LRRC28: variants seen among roughly 807,000 people sequenced by gnomAD.
LRRC28 encodes leucine-rich repeat-containing protein 28.
In LRRC28, 39 loss-of-function variants were observed where a neutral mutation model predicts 45.7. That is an observed-to-expected ratio of 0.85 (90% CI 0.66 to 1.12). LRRC28 has a LOEUF of 1.12. Among genes scored for constraint, LRRC28 ranks in the 50% most tolerant of loss-of-function variants. The pLI is 0.00. For synonymous variants in LRRC28, 206 were observed against 178.8 expected (o/e 1.15, Z -1.22); for missense variants, 435 against 438.5 (o/e 0.99, Z 0.07).
chr15:99,259,635 C>T, intron 2 of LRRC28: 1 of 1,465,700 alleles, frequency 6.8e-7, no homozygotes, highest in Non-Finnish European at 9.6e-7. Flanking sequence ...AAGGGCATCT[C>T]TACAAATTAC....
At chr15:99,272,551 A>C (rs1315949050) in intron 2 of LRRC28, among the ~76,000 whole-genome samples, 1 of 152,236 alleles carries the variant, frequency 6.6e-6, no homozygotes, top group African/African-American at 2.4e-5. Context: ...TCCAAGTTAA[A>C]AAATTTTAAA....
At chr15:99,304,596 C>CATTT (rs904094075) in intron 5 of LRRC28, among the ~76,000 whole-genome samples, 9 of 151,538 alleles carry the variant, frequency 5.9e-5, no homozygotes, top group Middle Eastern at 6.8e-3. Flanking sequence ...ACGCCCGGCT[C>CATTT]ATTTATTTAT....
At chr15:99,253,004 A>G (rs755733835) in intron 1 of LRRC28, among the ~76,000 whole-genome samples, 9 of 152,236 alleles carry the variant, frequency 5.9e-5, no homozygotes, top group Non-Finnish European at 1.3e-4. Context: ...CTTTATTGAC[A>G]ATAGACAGAT....
intron 9 of LRRC28, among the ~76,000 whole-genome samples, chr15:99,369,528 A>C (rs1957425384): frequency 6.6e-6 from 1 of 152,108 alleles, no homozygotes; most frequent in South Asian, 2.1e-4. Context: ...CAGGCTGGAA[A>C]CTTAGGCAGG....
chr15:99,353,226 G>A (rs1472430655), intron 7 of LRRC28, among the ~76,000 whole-genome samples: 1 of 152,126 alleles, frequency 6.6e-6, no homozygotes, highest in Non-Finnish European at 1.5e-5. Context: ...CAGCAGCCAA[G>A]TGAACACCCC....
intron 5 of LRRC28, among the ~76,000 whole-genome samples, chr15:99,304,780 A>G (rs1302980068): frequency 6.6e-6 from 1 of 152,082 alleles, no homozygotes; most frequent in Non-Finnish European, 1.5e-5. Flanking sequence ...TATAGGTAGC[A>G]ATGTTAACAA....
At chr15:99,356,492 C>A (rs1957050780) in intron 7 of LRRC28, among the ~76,000 whole-genome samples, 1 of 152,130 alleles carries the variant, frequency 6.6e-6, no homozygotes, top group Non-Finnish European at 1.5e-5. Flanking sequence ...ATGATCCAAT[C>A]TGAAGGACAC....
At chr15:99,259,949 A>G in intron 2 of LRRC28, 1 of 667,960 alleles carries the variant, frequency 1.5e-6, no homozygotes, top group Non-Finnish European at 2.8e-6. Context: ...AGACAAAGAA[A>G]TGGATGTGGG....
rs530985439 is a variant in LRRC28 at position 99,380,830 on chromosome 15, A to T, written c.1032-5200A>T. Among the ~76,000 whole-genome samples the T allele has an allele frequency of 3.9e-5, 6 of 152,320 alleles. No homozygotes were observed. In the South Asian group the frequency reaches 1.2e-3, roughly 32 times the overall value. On this transcript the variant is annotated intron_variant, in intron 9 of 9. Transcript: ENST00000301981. The stretch of plus-strand genomic sequence containing the variant: ...CTGGATATGAAATTCTAGATTGAAA[A>T]TTCTTTTCTTTAAGAATGTTGACTG...
intron 6 of LRRC28, among the ~76,000 whole-genome samples, chr15:99,343,323 G>A (rs1337441472): frequency 6.6e-6 from 1 of 152,206 alleles, no homozygotes; most frequent in Non-Finnish European, 1.5e-5. Flanking sequence ...CCTCTCCTGT[G>A]CTGTCATTCC....
At chr15:99,336,675 C>G (rs1374349490) in intron 6 of LRRC28, among the ~76,000 whole-genome samples, 1 of 152,176 alleles carries the variant, frequency 6.6e-6, no homozygotes, top group Non-Finnish European at 1.5e-5. Context: ...TTACTTGTTT[C>G]CATCTGGCCT....
rs1958131528 is a variant in LRRC28 at position 99,389,835 on chromosome 15, A to G, written c.*3733A>G. 1 of 152,160 alleles carries G rather than the reference A, an allele frequency of 6.6e-6. No individual in the cohort carries two copies. The highest frequency in any genetic ancestry group is 6.5e-5 in the Admixed American group (1 of 15,270). The allele number at this position is 152,160 out of a possible 1,614,324, so 9.4% of individuals were successfully genotyped here. Reference sequence around the variant, plus strand: ...CTAGCTCTATGTCTATCTAAAAATCAAGTCTCGGCAGTGGCTCATGCCTAT... The same window carrying G: ...CTAGCTCTATGTCTATCTAAAAATCGAGTCTCGGCAGTGGCTCATGCCTAT... On this transcript the variant is annotated 3_prime_UTR_variant, in exon 10 of 10. Transcript: ENST00000301981.
Position 99,332,652 on chromosome 15 carries a change from C to G in LRRC28, c.386-1271C>G, listed in dbSNP as rs1181716092. On this transcript the variant is annotated intron_variant, in intron 5 of 9. Coordinates refer to ENST00000301981, the MANE Select transcript of LRRC28 (RefSeq NM_144598.5). ...CTTTAAAAATGTAAAAAACCAGTTT[C>G]AGCTTGCAGGCAGGACAAGAGCAGG... 2.0e-5 allele frequency among the ~76,000 whole-genome samples: 3 copies of G among 152,130 alleles called. No homozygotes were observed. The East Asian group carries it at 5.8e-4, about 29-fold the overall frequency.
intron 5 of LRRC28, among the ~76,000 whole-genome samples, chr15:99,293,388 G>A (rs962480993): frequency 6.6e-6 from 1 of 151,904 alleles, no homozygotes; most frequent in Non-Finnish European, 1.5e-5. Flanking sequence ...GAGGTTGGGA[G>A]TTCAAGACTA....
intron 2 of LRRC28, chr15:99,259,917 C>T: frequency 1.4e-6 from 1 of 703,682 alleles, no homozygotes; most frequent in Non-Finnish European, 2.6e-6. Flanking sequence ...GAGGAGACAG[C>T]AGAAGACAAA....
chr15:99,287,862 C>T lies in LRRC28; in HGVS notation c.296C>T (p.Ala99Val), dbSNP rs746171443. ...KLQCLDLSDN[A>V]LEIVCPEIGR... ...CAATGTCTGGATCTTAGTGACAATG[C>T]CTTAGAAATTGTTTGCCCAGAAATT... is the stretch of plus-strand genomic sequence containing the variant. The change falls in exon 5 of 10, where the codon GCC (alanine) becomes GTC (valine). Residue 99 changes from alanine to valine, a missense_variant. Transcript: ENST00000301981. The T allele has an allele frequency of 6.2e-7, 1 of 1,613,592 alleles. No individual in the cohort carries two copies. The highest frequency in any genetic ancestry group is 1.1e-5 in the South Asian group (1 of 91,038).
At chr15:99,376,544 A>T (rs999292538) in intron 9 of LRRC28, among the ~76,000 whole-genome samples, 27 of 152,070 alleles carry the variant, frequency 1.8e-4, no homozygotes, top group African/African-American at 5.5e-4. Context: ...TTGAAAAAAA[A>T]TTTTTTATAC....
At chr15:99,315,354 G>A (rs1194815453) in intron 5 of LRRC28, among the ~76,000 whole-genome samples, 2 of 152,094 alleles carry the variant, frequency 1.3e-5, no homozygotes, top group African/African-American at 4.8e-5. Context: ...GTGATAGAAA[G>A]TTTCTTGGTG....
At chr15:99,277,923 T>A (rs1321746640) in intron 3 of LRRC28, among the ~76,000 whole-genome samples, 1 of 152,184 alleles carries the variant, frequency 6.6e-6, no homozygotes, top group African/African-American at 2.4e-5. Flanking sequence ...GTATTTAATC[T>A]TTTTTTACTA....
Sources: allele counts gnomAD v4.1 joint callset (sites outside exome capture counted in the v4.1 genomes callset), GRCh38; gene constraint gnomAD v4.1.1; transcripts MANE v1.5; gene names NCBI Gene and HGNC (gene_info 2026-07-23, HGNC 2026-07-21).